IL12RB2: variants seen among roughly 807,000 people sequenced by gnomAD.
The protein encoded by IL12RB2 is interleukin-12 receptor subunit beta-2.
A neutral mutation model predicts 89.4 loss-of-function variants in IL12RB2; 82 were observed. That is an observed-to-expected ratio of 0.92 (90% CI 0.77 to 1.10). IL12RB2 has a LOEUF of 1.10. Among genes scored for constraint, IL12RB2 ranks in the 50% least tolerant of loss-of-function variants. The probability of loss-of-function intolerance (pLI) is 0.00; values close to 1 mark genes in which losing one functional copy is unlikely to be tolerated. For synonymous variants in IL12RB2, 368 were observed against 370.1 expected (o/e 0.99, Z 0.07); for missense variants, 963 against 1,031.9 (o/e 0.93, Z 0.92).
In IL12RB2 at chr1:67,346,378, ATTTTTTTTT is replaced by A. The variant is rs10577525; in HGVS notation, c.1039-4473_1039-4465del. 3.2e-3 allele frequency among the ~76,000 whole-genome samples: 302 copies of A among 93,828 alleles called. 4 individuals carry two copies. The highest frequency in any genetic ancestry group is 0.013 in the African/African-American group (262 of 19,446). 61.6% of individuals were successfully genotyped at this position (93,828 alleles called of 152,430 possible). On this transcript the variant is annotated intron_variant, in intron 9 of 16. Transcript: ENST00000674203. ...TAAAATGTCCAGGTGAGGGTTGTCT[ATTTTTTTTT>A]TTTTTTTTTTTTTTTTTTCGACAGG...
chr1:67,320,468 C>A (rs1486535985), intron 3 of IL12RB2, 24 bp downstream of exon 3: 1 of 1,613,018 alleles, frequency 6.2e-7, no homozygotes, highest in East Asian at 2.2e-5. Context: ...GTAAGTTACT[C>A]TGTGGAAGAA....
chr1:67,341,584 A>AAGG (rs1659627827), intron 9 of IL12RB2, among the ~76,000 whole-genome samples: 2 of 145,662 alleles, frequency 1.4e-5, no homozygotes, highest in Non-Finnish European at 3.0e-5. Context: ...AGAAAGAAAG[A>AAGG]AAAGAAAGGA....
intron 14 of IL12RB2, among the ~76,000 whole-genome samples, chr1:67,382,317 G>A (rs1375157843): frequency 5.9e-5 from 9 of 152,174 alleles, no homozygotes; most frequent in African/African-American, 9.7e-5. Flanking sequence ...ACTTCTCATG[G>A]GTCCTAACAG....
chr1:67,327,005 G>T (rs1448028606), intron 5 of IL12RB2, among the ~76,000 whole-genome samples, 156 bp downstream of exon 5: 1 of 149,018 alleles, frequency 6.7e-6, no homozygotes, highest in Admixed American at 6.8e-5. Context: ...TCTGTCACCA[G>T]GCTAGAGTGC....
intron 10 of IL12RB2, among the ~76,000 whole-genome samples, chr1:67,355,664 C>G (rs1054571818): frequency 2.0e-5 from 3 of 152,128 alleles, no homozygotes; most frequent in African/African-American, 7.2e-5. Context: ...GAAAACCAGA[C>G]CACCCTTGGG....
chr1:67,315,477 G>A (rs1427298554), intron 2 of IL12RB2, among the ~76,000 whole-genome samples: 1 of 152,096 alleles, frequency 6.6e-6, no homozygotes, highest in Non-Finnish European at 1.5e-5. Flanking sequence ...ATCTATGCCA[G>A]AATATTCCAA....
At chr1:67,339,784 C>T (rs1659318075) in intron 9 of IL12RB2, among the ~76,000 whole-genome samples, 1 of 152,134 alleles carries the variant, frequency 6.6e-6, no homozygotes, top group Non-Finnish European at 1.5e-5. Context: ...AGTTCTTGCC[C>T]AAAGTCACCC....
chr1:67,330,930 C>T (rs957367335), intron 8 of IL12RB2, 120 bp downstream of exon 8: 51 of 742,898 alleles, frequency 6.9e-5, no homozygotes, highest in Admixed American at 9.3e-5. Context: ...AAAAGCATGA[C>T]TGCATTAGTT....
At chr1:67,346,480 G>A (rs1182873792) in intron 9 of IL12RB2, among the ~76,000 whole-genome samples, 1 of 147,844 alleles carries the variant, frequency 6.8e-6, no homozygotes, top group Non-Finnish European at 1.5e-5. Context: ...TCTGCCTCCT[G>A]GGTTCAAGCA....
intron 3 of IL12RB2, among the ~76,000 whole-genome samples, chr1:67,321,386 C>T (rs1000996188): frequency 1.3e-5 from 2 of 152,100 alleles, no homozygotes; most frequent in Non-Finnish European, 2.9e-5. Flanking sequence ...TGTTATGAGA[C>T]GGATGCATAT....
intron 7 of IL12RB2, 57 bp downstream of exon 7, chr1:67,329,786 A>C (rs530095686): frequency 3.4e-6 from 4 of 1,172,048 alleles, no homozygotes; most frequent in Admixed American, 3.4e-5. Context: ...ATTGCTGCGC[A>C]GACCTCTGTC....
intron 4 of IL12RB2, among the ~76,000 whole-genome samples, chr1:67,325,596 C>T (rs574799607): frequency 4.1e-4 from 63 of 152,168 alleles, no homozygotes; most frequent in Admixed American, 9.8e-4. Flanking sequence ...GTTTATTATT[C>T]TATTAAAACT....
At chr1:67,357,732 T>C (rs930232208) in intron 10 of IL12RB2, among the ~76,000 whole-genome samples, 1 of 152,156 alleles carries the variant, frequency 6.6e-6, no homozygotes, top group Non-Finnish European at 1.5e-5. Context: ...GAAAGTTTAG[T>C]TATTGAAACA....
chr1:67,317,022 T>G (rs1655866556), intron 2 of IL12RB2, among the ~76,000 whole-genome samples: 2 of 152,162 alleles, frequency 1.3e-5, no homozygotes. Flanking sequence ...ACATATTTAT[T>G]GAATGAATAA....
At position 67,321,899 on chromosome 1, in the gene IL12RB2, C is replaced by A. The variant is rs2100602324; in HGVS notation, c.364+10C>A. On this transcript the variant is annotated intron_variant, in intron 4 of 16. Coordinates refer to ENST00000674203, the MANE Select transcript of IL12RB2 (RefSeq NM_001374259.2). Reference sequence around the variant, plus strand: ...GAGATCTTCGTTGGTGGTGAGCATTCCATTTTGAATTTTTAAAACTTGGTG... The same window carrying A: ...GAGATCTTCGTTGGTGGTGAGCATTACATTTTGAATTTTTAAAACTTGGTG... 1.2e-6 allele frequency: 2 copies of A among 1,611,102 alleles called. No homozygotes were observed.
chr1:67,389,005 T>C (rs1330679660), intron 15 of IL12RB2, among the ~76,000 whole-genome samples: 7 of 151,874 alleles, frequency 4.6e-5, no homozygotes, highest in Admixed American at 2.6e-4. Flanking sequence ...ATCCTCTTCA[T>C]GGAAATTGTG....
At position 67,338,634 on chromosome 1, in the gene IL12RB2, G is replaced by T. The variant is rs148793796; in HGVS notation, c.969G>T (p.Gly323=). 2.9e-5 allele frequency: 43 copies of T among 1,482,916 alleles called. No individual in the cohort carries two copies. Among genetic ancestry groups the T allele is most frequent in the Non-Finnish European group, 3.6e-5 (38 of 1,060,010 alleles). The allele number at this position is 1,482,916 out of a possible 1,614,324, so 91.9% of individuals were successfully genotyped here. ...TCTCCTTTGAAACAGAGCCTACTGG[G>T]ATGTTAGATGTCTGGTACATGAAAC... ...RAQTPEEEPT[G]MLDVWYMKRH... Residue 323 remains glycine, a synonymous_variant, in exon 9 of 17, where the codon GGG becomes GGT. Transcript: ENST00000674203.
chr1:67,379,464 C>G (rs574414729), intron 13 of IL12RB2, among the ~76,000 whole-genome samples: 1 of 138,224 alleles, frequency 7.2e-6, no homozygotes, highest in Non-Finnish European at 1.5e-5. Flanking sequence ...GAGCCGAGAT[C>G]GCATCACTGC....
intron 1 of IL12RB2, among the ~76,000 whole-genome samples, chr1:67,310,790 T>C (rs1558288820): frequency 6.6e-6 from 1 of 152,166 alleles, no homozygotes; most frequent in Admixed American, 6.5e-5. Context: ...AGTGGTGCGA[T>C]CTTGGCTCAC....
Sources: allele counts gnomAD v4.1 joint callset (sites outside exome capture counted in the v4.1 genomes callset), GRCh38; gene constraint gnomAD v4.1.1; transcripts MANE v1.5; gene names NCBI Gene and HGNC (gene_info 2026-07-23, HGNC 2026-07-21).